Variants in ARAF observed in about 807,000 individuals in gnomAD.
The protein encoded by ARAF is serine/threonine-protein kinase A-Raf.
In ARAF, 18 loss-of-function variants were observed where a neutral mutation model predicts 48.0. That is an observed-to-expected ratio of 0.37 (90% confidence interval 0.26 to 0.56). The LOEUF is 0.56. Among genes scored for constraint, ARAF ranks in the 20% least tolerant of loss-of-function variants. The pLI is 0.77. For missense variants in ARAF, 389 were observed against 543.1 expected, an observed-to-expected ratio of 0.72 and a Z score of 2.82; for synonymous variants, 207 against 220.1, an observed-to-expected ratio of 0.94 and a Z score of 0.53.
Position 47,566,991 on chromosome X carries a change from G to A in ARAF, c.733G>A (p.Gly245Ser). The A allele has an allele frequency of 3.3e-6, 4 of 1,211,561 alleles. No homozygotes were observed. The highest frequency in any genetic ancestry group is 3.4e-6 in the Non-Finnish European group (3 of 895,400). ...TGQSFSTDAA[G>S]SRGGSDGTPR... ...CATCCTCTCTGCAACTGCAGCTGCC[G>A]GTAGTAGAGGAGGTAGTGATGGAAC... The change falls in exon 9 of 16, where the codon GGT becomes AGT. Residue 245 changes from glycine to serine, a missense_variant. By Grantham distance (56) the Gly-to-Ser change is moderately conservative. This residue lies in a region of ARAF where 154 missense variants were observed against 133.6 expected (regional missense o/e 1.15). Coordinates refer to ENST00000377045, the MANE Select transcript of ARAF (RefSeq NM_001654.5).
At chrX:47,569,280 A>G (rs909957080) in intron 12 of ARAF, among the ~76,000 whole-genome samples, 2 of 111,782 alleles carry the variant, frequency 1.8e-5, no homozygotes, top group African/African-American at 3.3e-5. Context: ...GGAGGGCATT[A>G]TGGTCAACAT....
At chrX:47,563,438 C>G (rs2057719225) in intron 3 of ARAF, 109 bp downstream of exon 3, 1 of 626,141 alleles carries the variant, frequency 1.6e-6, no homozygotes, top group African/African-American at 2.2e-5. Context: ...TTAGTCTTCC[C>G]TTAGTCTTTA....
intron 3 of ARAF, among the ~76,000 whole-genome samples, chrX:47,564,447 T>C (rs996196156): frequency 9.8e-5 from 11 of 112,344 alleles, no homozygotes; most frequent in African/African-American, 3.2e-4. Flanking sequence ...TATTTGTTGT[T>C]TCAGTGCCTC....
chrX:47,571,072 A>T (rs1467439189), intron 15 of ARAF, 60 bp downstream of exon 15: 2 of 1,135,348 alleles, frequency 1.8e-6, no homozygotes, highest in Non-Finnish European at 2.4e-6. Context: ...AGGAAGACTG[A>T]GATGGAGGCA....
intron 1 of ARAF, among the ~76,000 whole-genome samples, chrX:47,562,499 C>A (rs1022015896): frequency 3.7e-4 from 31 of 83,849 alleles, no homozygotes; most frequent in Middle Eastern, 0.012. Flanking sequence ...AAAAAAAAAA[C>A]AGAAAAAAAA....
chrX:47,570,845 G>C (rs751634782), intron 14 of ARAF, 33 bp from the exon 15 acceptor site: 1 of 1,190,051 alleles, frequency 8.4e-7, no homozygotes, highest in South Asian at 1.8e-5. Context: ...CCTGACCCCA[G>C]ATCACCCCTT....
intron 14 of ARAF, among the ~76,000 whole-genome samples, chrX:47,570,424 T>C (rs2855131): frequency 8.2e-5 from 9 of 110,286 alleles, no homozygotes; most frequent in Non-Finnish European, 1.7e-4. Flanking sequence ...ATCCCATTTT[T>C]CCCCAGAAAC....
At chrX:47,563,505 A>G (rs2057719453) in intron 3 of ARAF, among the ~76,000 whole-genome samples, 176 bp downstream of exon 3, 1 of 112,027 alleles carries the variant, frequency 8.9e-6, no homozygotes, top group Non-Finnish European at 1.9e-5. Flanking sequence ...GCTTGAAACC[A>G]TAGATAGTAC....
At chrX:47,562,346 G>A (rs1253502858) in intron 1 of ARAF, among the ~76,000 whole-genome samples, 2 of 109,117 alleles carry the variant, frequency 1.8e-5, no homozygotes, top group African/African-American at 6.7e-5. Context: ...TTAGCCGGGC[G>A]TGGTGGCACA....
At position 47,569,034 on chromosome X, in the gene ARAF, G is replaced by T; in HGVS notation, c.1300+1G>T. On this transcript the variant is annotated splice_donor_variant, in intron 12 of 15. Transcript: ENST00000377045. LOFTEE classifies it high-confidence loss of function. Reference sequence around the variant, plus strand: ...ATCCACCGAGATCTCAAGTCTAACAGTATCTATCTGTCCCTGGGCTGGGGT... The same window carrying T: ...ATCCACCGAGATCTCAAGTCTAACATTATCTATCTGTCCCTGGGCTGGGGT... 8.4e-7 allele frequency: 1 copy of T among 1,197,564 alleles called. No homozygotes were observed. The highest frequency in any genetic ancestry group is 1.1e-6 in the Non-Finnish European group (1 of 888,305).
At position 47,564,108 on chromosome X, in the gene ARAF, G is replaced by A. The variant is rs185177644; in HGVS notation, c.201-689G>A. 4.4e-3 allele frequency among the ~76,000 whole-genome samples: 496 copies of A among 112,471 alleles called. 3 individuals carry two copies. The highest frequency in any genetic ancestry group is 0.015 in the African/African-American group (470 of 30,966). On this transcript the variant is annotated intron_variant, in intron 3 of 15. Transcript: ENST00000377045. ...CCCACCCGGTTGACCACAGGTAACT[G>A]AAACCATGGAGAGTGAAACCACAGA...
rs1254561186 is a variant in ARAF, at chrX:47,561,240, G to T, written c.-71G>T. On this transcript the variant is annotated 5_prime_UTR_variant, in exon 1 of 16. Transcript: ENST00000377045. ...CAAGATGGAGACGGCGGCGGCTGTA[G>T]CGGCGTGACAGGTGAGGGCGGGCCC... The T allele has an allele frequency of 1.8e-5, 2 of 112,415 alleles. No individual in the cohort carries two copies. The highest frequency in any genetic ancestry group is 6.5e-5 in the African/African-American group (2 of 30,995). 9.3% of individuals were successfully genotyped at this position (112,415 alleles called of 1,213,427 possible).
At position 47,566,789 on chromosome X, in the gene ARAF, T is replaced by C. The variant is rs372033812; in HGVS notation, c.699+9T>C. The stretch of plus-strand genomic sequence containing the variant: ...ACTCCAACCTCATCCAGGTTGGTGC[T>C]GTGGGGGACAATGCCGGGGACCACA... On this transcript the variant is annotated intron_variant, in intron 7 of 15. Transcript: ENST00000377045. 101 of 1,209,106 alleles carry C rather than the reference T, an allele frequency of 8.4e-5. No individual in the cohort carries two copies. The African/African-American group carries it at 1.6e-3, about 19-fold the overall frequency.
chrX:47,565,130 A>G lies in ARAF; in HGVS notation c.449A>G (p.Asn150Ser), dbSNP rs774526444. 3.9e-5 allele frequency: 46 copies of G among 1,192,238 alleles called. No individual in the cohort carries two copies. The highest frequency in any genetic ancestry group is 4.6e-4 in the Middle Eastern group (2 of 4,319). ...VPTVCVDMSTNRQQFYHSVQD... is the reference protein window; with the variant it reads ...VPTVCVDMSTSRQQFYHSVQD... ...ACAGTCTGTGTTGACATGAGTACCA[A>G]CCGCCAACAGTGAGCCCAGCCTGGG... Residue 150 changes from asparagine to serine, a missense_variant, in exon 5 of 16, where the codon AAC (asparagine) becomes AGC (serine). Asn to Ser is a conservative substitution (Grantham distance 46, BLOSUM62 1). Coordinates refer to ENST00000377045, the MANE Select transcript of ARAF (RefSeq NM_001654.5).
rs780206875 is a variant in ARAF, at chrX:47,567,098, G to C, written c.840G>C (p.Glu280Asp). 52 of 1,210,294 alleles carry C rather than the reference G, an allele frequency of 4.3e-5. No homozygotes were observed. In the Admixed American group the frequency reaches 1.1e-3, roughly 25 times the overall value. The change falls in exon 9 of 16, where the codon GAG becomes GAC. Residue 280 changes from glutamate (E) to aspartate (D), a missense_variant. Physicochemically the swap from Glu to Asp is conservative, Grantham distance 45. This residue lies in a region of ARAF where 154 missense variants were observed against 133.6 expected (regional missense o/e 1.15). Coordinates refer to ENST00000377045, the MANE Select transcript of ARAF (RefSeq NM_001654.5). The part of the protein sequence containing the change: ...PHSKSPAEQR[E>D]RKSLADDKKK... ...CCAAGTCACCAGCAGAGCAGCGCGAGCGGAAGTCCTTGGCCGATGACAAGA... is the reference window on the plus strand; with the variant it reads ...CCAAGTCACCAGCAGAGCAGCGCGACCGGAAGTCCTTGGCCGATGACAAGA...
rs139161665 is a variant in ARAF, at chrX:47,567,325, C to T, written c.969C>T (p.Thr323=). ...LKRIGTGSFG[T]VFRGRWHGDV... is the part of the protein sequence containing the mutation. The stretch of plus-strand genomic sequence containing the variant: ...GGATCGGGACGGGCTCGTTTGGCAC[C>T]GTGTTTCGAGGGCGGTGGCATGGCG... The change falls in exon 10 of 16, where the codon ACC becomes ACT. Residue 323 remains threonine, a synonymous_variant. Coordinates refer to ENST00000377045, the MANE Select transcript of ARAF (RefSeq NM_001654.5). 26 of 1,209,096 alleles carry T rather than the reference C, an allele frequency of 2.2e-5. No homozygotes were observed. The East Asian group carries it at 3.0e-4, about 14-fold the overall frequency.
At chrX:47,570,396 G>A in intron 14 of ARAF, 1 of 159,711 alleles carries the variant, frequency 6.3e-6, no homozygotes, top group East Asian at 1.4e-4. Flanking sequence ...TCAAAGCCCA[G>A]ATCTCATTTC....
intron 15 of ARAF, 98 bp downstream of exon 15, chrX:47,571,110 AGTGT>A (rs34644595): frequency 0.021 from 16,249 of 770,817 alleles, 38 homozygotes; most frequent in African/African-American, 0.045. Context: ...TCAGAGGTAT[AGTGT>A]GTGTGTGTGT....
In ARAF at chrX:47,566,688, G is replaced by A. The variant is rs961102008; in HGVS notation, c.607G>A (p.Ala203Thr). ...DPEHFPFPAP[A>T]NAPLQRIRST... Reference sequence around the variant, plus strand: ...GGAGCACTTCCCCTTCCCTGCCCCAGCCAATGCCCCCCTACAGCGCATCCG... The same window carrying A: ...GGAGCACTTCCCCTTCCCTGCCCCAACCAATGCCCCCCTACAGCGCATCCG... The change falls in exon 7 of 16, where the codon GCC (alanine) becomes ACC (threonine). Residue 203 changes from alanine to threonine, a missense_variant. By Grantham distance (58) the Ala-to-Thr change is moderately conservative. This residue lies in a region of ARAF where 154 missense variants were observed against 133.6 expected (regional missense o/e 1.15). Coordinates refer to ENST00000377045, the MANE Select transcript of ARAF (RefSeq NM_001654.5). 1.0e-5 allele frequency: 12 copies of A among 1,195,900 alleles called. No individual in the cohort carries two copies. The highest frequency in any genetic ancestry group is 1.4e-5 in the Non-Finnish European group (12 of 886,864).
Sources: allele counts gnomAD v4.1 joint callset (sites outside exome capture counted in the v4.1 genomes callset), GRCh38; gene constraint gnomAD v4.1.1; regional missense constraint gnomAD v4.1.1; transcripts MANE v1.5; gene names NCBI Gene and HGNC (gene_info 2026-07-23, HGNC 2026-07-21).